Variants in NPIPB2 observed in about 807,000 individuals in gnomAD.
The protein encoded by NPIPB2 is nuclear pore complex-interacting protein family member B2.
Under a neutral mutation model 30.8 loss-of-function variants are expected in NPIPB2, and 27 were observed. The observed-to-expected ratio is 0.88, with a 90% confidence interval of 0.65 to 1.21. The LOEUF (loss-of-function observed/expected upper bound fraction) is 1.21, where lower values mean the gene tolerates loss of function less well. Ranked by LOEUF, NPIPB2 falls within the 50% of genes most tolerant of loss-of-function variation. The pLI is 0.00. For missense variants in NPIPB2, 440 were observed against 446.2 expected (o/e 0.99, Z 0.13); for synonymous variants, 147 against 162.0 (o/e 0.91, Z 0.70).
At chr16:11,976,407 T>C (rs2055297790) in intron 1 of NPIPB2, among the ~76,000 whole-genome samples, 1 of 152,250 alleles carries the variant, frequency 6.6e-6, no homozygotes, top group Admixed American at 6.5e-5. Flanking sequence ...CATCCGCCTG[T>C]GCCCACGCTT....
In NPIPB2 at chr16:11,941,855, C is replaced by G. The variant is rs907886760; in HGVS notation, c.63+128G>C. ...TCACAAACCTGATTTCTGGTCCTCC[C>G]CAACCAGCTCCCTGTCCCTGCTTCT... is the stretch of plus-strand genomic sequence containing the variant. On this transcript the variant is annotated intron_variant, in intron 1 of 7. Coordinates refer to ENST00000399147, the Ensembl canonical transcript of NPIPB2. 14 of 916,758 alleles carry G rather than the reference C, an allele frequency of 1.5e-5. No individual in the cohort carries two copies. The African/African-American group carries it at 1.8e-4, about 12-fold the overall frequency. The allele number at this position is 916,758 out of a possible 1,614,324, so 56.8% of individuals were successfully genotyped here. A position where few individuals can be genotyped will look rare whatever the true frequency, so the allele number is the denominator to read the frequency against.
chr16:11,959,531 A>AGTGAGCT (rs1270868639), intron 1 of NPIPB2, among the ~76,000 whole-genome samples: 1 of 152,096 alleles, frequency 6.6e-6, no homozygotes. Flanking sequence ...TCCAGGCTGC[A>AGTGAGCT]GTGAGCTGTG....
At position 11,959,803 on chromosome 16, in the gene NPIPB2, T is replaced by C. The variant is rs544722959; in HGVS notation, c.-584+16765A>G. Among the ~76,000 whole-genome samples, 23 of 152,304 alleles carry C rather than the reference T, an allele frequency of 1.5e-4. No homozygotes were observed. In the South Asian group the frequency reaches 4.8e-3, roughly 32 times the overall value. On this transcript the variant is annotated intron_variant, in intron 1 of 5. Coordinates refer to the NPIPB2 transcript ENST00000538896. ...AAATTTTATTTTATTTGAGACAGTC[T>C]TGCTCTGTTGCCCAGGCTGAAGTGC...
intron 1 of NPIPB2, among the ~76,000 whole-genome samples, chr16:11,971,601 C>T (rs8047663): frequency 0.052 from 7,836 of 152,002 alleles, 326 homozygotes; most frequent in Admixed American, 0.13. Flanking sequence ...TTCAAGCAAT[C>T]CTCCAGCCTC....
At chr16:11,944,795 G>T (rs1277807452), upstream of NPIPB2, among the ~76,000 whole-genome samples, 1 of 98,228 alleles carries the variant, frequency 1.0e-5, no homozygotes, top group East Asian at 2.9e-4. Context: ...ATATACAAAA[G>T]AAATAAAATA....
At chr16:11,951,368 G>A (rs2055059941) in intron 1 of NPIPB2, among the ~76,000 whole-genome samples, 1 of 145,320 alleles carries the variant, frequency 6.9e-6, no homozygotes, top group Non-Finnish European at 1.5e-5. Context: ...GGAGGCTGAG[G>A]CAGGAGAATG....
At chr16:11,949,478 A>T (rs1039754235) in intron 1 of NPIPB2, among the ~76,000 whole-genome samples, 2 of 152,174 alleles carry the variant, frequency 1.3e-5, no homozygotes, top group Non-Finnish European at 2.9e-5. Context: ...CCAGATCTTC[A>T]TCTCCTCTTG....
At chr16:11,929,675 T>TG in intron 5 of NPIPB2, 2 of 6,168 alleles carry the variant, frequency 3.2e-4, no homozygotes, top group Non-Finnish European at 1.4e-3. Context: ...GGTCAGGAGA[T>TG]TGAGACCATC....
chr16:11,942,093 A>G (rs2054950397), upstream of NPIPB2: 2 of 1,529,110 alleles, frequency 1.3e-6, no homozygotes, highest in Non-Finnish European at 1.7e-6. Context: ...CATCACATCC[A>G]TGTAGCCATC....
chr16:11,957,250 C>T (rs1051888522), intron 1 of NPIPB2, among the ~76,000 whole-genome samples: 9 of 150,076 alleles, frequency 6.0e-5, no homozygotes, highest in Admixed American at 1.3e-4. Flanking sequence ...CTGCAACCTC[C>T]GCCTCTTGGG....
At chr16:11,957,165 C>CTT (rs34981281) in intron 1 of NPIPB2, among the ~76,000 whole-genome samples, 9 of 118,942 alleles carry the variant, frequency 7.6e-5, no homozygotes, top group African/African-American at 2.6e-4. Context: ...CTAACTTTTT[C>CTT]TTTTTTTTTT....
chr16:11,962,811 G>T lies in NPIPB2; in HGVS notation c.-584+13757C>A, dbSNP rs192460571. Reference sequence around the variant, plus strand: ...TGGCTGGGCGCGGTGGCTCACACCTGTAATCTCAGCACTTTGGGAGGCCAA... The same window carrying T: ...TGGCTGGGCGCGGTGGCTCACACCTTTAATCTCAGCACTTTGGGAGGCCAA... On this transcript the variant is annotated intron_variant, in intron 1 of 5. Coordinates refer to the NPIPB2 transcript ENST00000538896. Among the ~76,000 whole-genome samples, 40 of 152,176 alleles carry T rather than the reference G, an allele frequency of 2.6e-4. No homozygotes were observed. In the East Asian group the frequency reaches 7.4e-3, roughly 28 times the overall value.
upstream of NPIPB2, among the ~76,000 whole-genome samples, chr16:11,944,634 G>A (rs189459581): frequency 3.2e-4 from 47 of 146,716 alleles, no homozygotes; most frequent in African/African-American, 8.1e-4. Context: ...GTGGTGGTGC[G>A]CACCTGTAAT....
upstream of NPIPB2, among the ~76,000 whole-genome samples, chr16:11,946,106 C>T (rs966390429): frequency 6.6e-6 from 1 of 151,526 alleles, no homozygotes; most frequent in East Asian, 1.9e-4. Flanking sequence ...ACCCAGAGAG[C>T]TGGGCATGGT....
intron 1 of NPIPB2, among the ~76,000 whole-genome samples, chr16:11,974,980 C>T (rs2055262352): frequency 6.6e-6 from 1 of 150,574 alleles, no homozygotes; most frequent in Admixed American, 6.6e-5. Flanking sequence ...CAGGCTGAGG[C>T]AGGAGAATCA....
intron 1 of NPIPB2, among the ~76,000 whole-genome samples, chr16:11,972,948 G>A (rs528908672): frequency 4.6e-5 from 7 of 151,786 alleles, no homozygotes; most frequent in Non-Finnish European, 1.0e-4. Flanking sequence ...ATCACCTGAG[G>A]TCAGGAGTTT....
intron 1 of NPIPB2, among the ~76,000 whole-genome samples, chr16:11,953,952 A>G (rs984154594): frequency 2.6e-5 from 4 of 152,004 alleles, no homozygotes; most frequent in African/African-American, 9.7e-5. Flanking sequence ...CTGGGATTAC[A>G]GGCATGAGCC....
intron 1 of NPIPB2, among the ~76,000 whole-genome samples, chr16:11,972,579 A>G (rs1488926285): frequency 6.6e-6 from 1 of 152,094 alleles, no homozygotes; most frequent in African/African-American, 2.4e-5. Flanking sequence ...CATCTTCAAA[A>G]AAAAAGAAAA....
At chr16:11,969,488 C>A (rs535787978) in intron 1 of NPIPB2, among the ~76,000 whole-genome samples, 1 of 152,180 alleles carries the variant, frequency 6.6e-6, no homozygotes. Context: ...AACTCCTGAC[C>A]TCGTGATCCA....
Sources: gnomAD v4.1 joint callset for allele counts (sites outside exome capture counted in the v4.1 genomes callset) on GRCh38, gnomAD v4.1.1 for gene constraint, MANE v1.5 for transcripts, NCBI Gene and HGNC (gene_info 2026-07-23, HGNC 2026-07-21) for gene names.